Variants in MDFI observed in about 807,000 individuals in gnomAD.
The protein encoded by MDFI is inhibitor of MyoD family a.
A neutral mutation model predicts 22.3 loss-of-function variants in MDFI; 16 were observed. The ratio of observed to expected loss-of-function variants is 0.72; its 90% CI spans 0.49 to 1.09. The LOEUF (loss-of-function observed/expected upper bound fraction) is 1.09, where lower values mean the gene tolerates loss of function less well. Among genes scored for constraint, MDFI ranks in the 50% least tolerant of loss-of-function variants. MDFI has a pLI of 0.00. For synonymous variants in MDFI, 145 were observed against 142.7 expected (o/e 1.02, Z -0.12); for missense variants, 314 against 326.1 (o/e 0.96, Z 0.29).
In MDFI at chr6:41,638,923, C is replaced by G. The variant is rs1767739325; in HGVS notation, c.76+98C>G. On this transcript the variant is annotated intron_variant, in intron 2 of 4. Transcript: ENST00000230321. The surrounding 1 kb of genome is among the most constrained non-coding windows in gnomAD (Gnocchi z 7.6). ...CTCTCCGTCCCCAGACGCGGGGAGA[C>G]CGTTCCAGGGAGCTTGGTGGGGGTA... The G allele has an allele frequency of 7.6e-7, 1 of 1,324,410 alleles. No individual in the cohort carries two copies. The highest frequency in any genetic ancestry group is 1.0e-6 in the Non-Finnish European group (1 of 980,768). 82.0% of individuals were successfully genotyped at this position (1,324,410 alleles called of 1,614,324 possible). A position where few individuals can be genotyped will look rare whatever the true frequency, so the allele number is the denominator to read the frequency against.
chr6:41,639,728 C>T (rs1246215967), intron 2 of MDFI: 2 of 985,326 alleles, frequency 2.0e-6, no homozygotes, highest in East Asian at 2.3e-4. Flanking sequence ...TGCCTTCCTC[C>T]CCACCAGCGC....
At chr6:41,644,011 G>T (rs759733072) in intron 2 of MDFI, among the ~76,000 whole-genome samples, 1 of 152,082 alleles carries the variant, frequency 6.6e-6, no homozygotes, top group Non-Finnish European at 1.5e-5. Flanking sequence ...AGCTAGGCAG[G>T]CCCCTGGTTT....
chr6:41,647,955 A>G (rs1157902099), intron 3 of MDFI, among the ~76,000 whole-genome samples: 2 of 149,574 alleles, frequency 1.3e-5, no homozygotes, highest in East Asian at 4.0e-4. Flanking sequence ...GAGGCAGGAG[A>G]ATGGTGTGAA....
intron 2 of MDFI, 31 bp from the exon 3 acceptor site, chr6:41,646,095 A>G: frequency 7.0e-7 from 1 of 1,434,602 alleles, no homozygotes; most frequent in Non-Finnish European, 9.2e-7. Flanking sequence ...GCCCCAGGAA[A>G]ATGGACCTCA....
chr6:41,648,916 C>T (rs1343762027), intron 3 of MDFI, among the ~76,000 whole-genome samples: 2 of 152,188 alleles, frequency 1.3e-5, no homozygotes, highest in Non-Finnish European at 2.9e-5. Flanking sequence ...AATGGGGACC[C>T]GGGGGTCCTG....
Position 41,646,291 on chromosome 6 carries a change from C to A in MDFI, c.242C>A (p.Pro81His). ...QGLDSTDLDVPTEAVTCQPQG... is the reference protein window; with the variant it reads ...QGLDSTDLDVHTEAVTCQPQG... ...CTGGACAGCACTGACCTCGACGTCC[C>A]CACAGAAGCTGTGACATGTGAGTCC... is the stretch of plus-strand genomic sequence containing the variant. Residue 81 changes from proline to histidine, a missense_variant, in exon 3 of 5, where the codon CCC becomes CAC. Pro to His is a moderately conservative substitution (Grantham distance 77). Transcript: ENST00000230321. 6.9e-7 allele frequency: 1 copy of A among 1,448,070 alleles called. No homozygotes were observed. The allele number at this position is 1,448,070 out of a possible 1,614,324, so 89.7% of individuals were successfully genotyped here.
In MDFI at chr6:41,638,754, AC is replaced by A; in HGVS notation, c.7del (p.Gln3ArgfsTer2). ...TTTTCCGCAGGTCCGGGGCCGATGT[AC>A]CAGGTGAGCGGCCAGCGCCCCTCTG... M[Y>X]QVSGQRPSGC... On this transcript the variant is annotated frameshift_variant, in exon 2 of 5. Transcript: ENST00000230321. LOFTEE classifies it high-confidence loss of function. The surrounding 1 kb of genome is among the most constrained non-coding windows in gnomAD (Gnocchi z 7.6). 1 of 1,568,384 alleles carries A rather than the reference AC, an allele frequency of 6.4e-7. No individual in the cohort carries two copies. Among genetic ancestry groups the A allele is most frequent in the South Asian group, 1.2e-5 (1 of 85,768 alleles).
intron 3 of MDFI, among the ~76,000 whole-genome samples, chr6:41,649,032 G>A (rs1047086202): frequency 6.6e-6 from 1 of 152,220 alleles, no homozygotes; most frequent in Admixed American, 6.5e-5. Context: ...TGAGGGTGCG[G>A]AGGGCAGAGG....
intron 4 of MDFI, among the ~76,000 whole-genome samples, chr6:41,650,994 T>A (rs1443560319): frequency 1.3e-5 from 2 of 151,790 alleles, no homozygotes; most frequent in Non-Finnish European, 2.9e-5. Context: ...TCACCTGAGG[T>A]CAGGAGTTCA....
chr6:41,653,258 T>G lies in MDFI; in HGVS notation c.485-61T>G. On this transcript the variant is annotated intron_variant, in intron 4 of 4. Coordinates refer to ENST00000230321, the MANE Select transcript of MDFI (RefSeq NM_005586.4). This position sits in a 1 kb window ranked among gnomAD's most constrained non-coding sequence, Gnocchi z 4.2. Reference sequence around the variant, plus strand: ...CCGCAGGCCCCCACACCCCCGGCTATTTCACACACGCTCATCCCTCCCCTC... The same window carrying G: ...CCGCAGGCCCCCACACCCCCGGCTAGTTCACACACGCTCATCCCTCCCCTC... 6.4e-7 allele frequency: 1 copy of G among 1,566,422 alleles called. No individual in the cohort carries two copies. The highest frequency in any genetic ancestry group is 8.7e-7 in the Non-Finnish European group (1 of 1,150,764).
intron 2 of MDFI, among the ~76,000 whole-genome samples, chr6:41,642,088 C>T (rs985820013): frequency 1.3e-5 from 2 of 152,140 alleles, no homozygotes; most frequent in African/African-American, 4.8e-5. Flanking sequence ...TCCGTATCTC[C>T]CCTTTGTAGA....
rs910560705 is a variant in MDFI, at chr6:41,639,535, C to T, written c.76+710C>T. Reference sequence around the variant, plus strand: ...TCCCTGAAGGGGTTTGGAGTAGGGGCCTCGCCGGCCCTGGTTCTCAGTCCC... The same window carrying T: ...TCCCTGAAGGGGTTTGGAGTAGGGGTCTCGCCGGCCCTGGTTCTCAGTCCC... On this transcript the variant is annotated intron_variant, in intron 2 of 4. Transcript: ENST00000230321. 6.1e-6 allele frequency: 6 copies of T among 985,430 alleles called. No homozygotes were observed. The African/African-American group carries it at 1.0e-4, about 17-fold the overall frequency. The allele number at this position is 985,430 out of a possible 1,614,324, so 61.0% of individuals were successfully genotyped here. A position where few individuals can be genotyped will look rare whatever the true frequency, so the allele number is the denominator to read the frequency against.
chr6:41,648,889 C>G (rs761593437), intron 3 of MDFI, among the ~76,000 whole-genome samples: 16 of 152,234 alleles, frequency 1.1e-4, no homozygotes, highest in Non-Finnish European at 1.8e-4. Context: ...AAGCTGAAGT[C>G]TGGTCCCTCA....
At chr6:41,643,608 GGGAA>G (rs1419536972) in intron 2 of MDFI, among the ~76,000 whole-genome samples, 1 of 141,670 alleles carries the variant, frequency 7.1e-6, no homozygotes, top group South Asian at 2.3e-4. Flanking sequence ...GAGGGAAGGA[GGGAA>G]GGAAGGAAGG....
chr6:41,653,463 C>A lies in MDFI; in HGVS notation c.629C>A (p.Ala210Asp). 6.2e-7 allele frequency: 1 copy of A among 1,604,356 alleles called. No individual in the cohort carries two copies. The highest frequency in any genetic ancestry group is 8.5e-7 in the Non-Finnish European group (1 of 1,179,946). The change falls in exon 5 of 5, where the codon GCC (alanine) becomes GAC (aspartate). Residue 210 changes from alanine (A) to aspartate (D), a missense_variant. Physicochemically the swap from Ala to Asp is moderately radical, Grantham distance 126. Transcript: ENST00000230321. The surrounding 1 kb of genome is among the most constrained non-coding windows in gnomAD (Gnocchi z 4.2). The part of the protein sequence containing the change: ...CCCCCGSGEC[A>D]DCDLPCDLDC... The stretch of plus-strand genomic sequence containing the variant: ...TGCTGCTGTGGCTCTGGCGAGTGTG[C>A]CGACTGCGACCTGCCCTGCGACCTG...
Position 41,638,537 on chromosome 6 carries a change from C to T in MDFI, c.-127C>T, listed in dbSNP as rs1201375802. 3 of 543,332 alleles carry T rather than the reference C, an allele frequency of 5.5e-6. No homozygotes were observed. Among genetic ancestry groups the T allele is most frequent in the Non-Finnish European group, 6.4e-6 (2 of 312,484 alleles). 33.7% of individuals were successfully genotyped at this position (543,332 alleles called of 1,614,324 possible). A position where few individuals can be genotyped will look rare whatever the true frequency, so the allele number is the denominator to read the frequency against. ...AAGCAGCGAGTGAGAGGGGAAGGGG[C>T]GCCAGGCGAGCACCCGGGAGCCAGC... On this transcript the variant is annotated 5_prime_UTR_variant, in exon 1 of 5. Transcript: ENST00000230321. The surrounding 1 kb of genome is among the most constrained non-coding windows in gnomAD (Gnocchi z 7.6).
At chr6:41,638,383 G>A (rs1767709799), upstream of MDFI, 2 of 248,254 alleles carry the variant, frequency 8.1e-6, no homozygotes, top group Non-Finnish European at 7.8e-6. The surrounding 1 kb of genome is among the most constrained non-coding windows in gnomAD (Gnocchi z 7.6). Context: ...AAGGCGAGGA[G>A]GGGGCGGGGA....
chr6:41,653,206 C>T lies in MDFI; in HGVS notation c.485-113C>T. On this transcript the variant is annotated intron_variant, in intron 4 of 4. Transcript: ENST00000230321. This position sits in a 1 kb window ranked among gnomAD's most constrained non-coding sequence, Gnocchi z 4.2. ...TCGTGAGCTTCAGGCACACAGTGAA[C>T]ACTCAGCGTCCCTGCTGCTGCCGCT... The T allele has an allele frequency of 9.3e-7, 1 of 1,080,792 alleles. No homozygotes were observed. Among genetic ancestry groups the T allele is most frequent in the Non-Finnish European group, 1.4e-6 (1 of 728,000 alleles). 67.0% of individuals were successfully genotyped at this position (1,080,792 alleles called of 1,614,324 possible). A position where few individuals can be genotyped will look rare whatever the true frequency, so the allele number is the denominator to read the frequency against.
At chr6:41,645,645 C>T (rs186236828) in intron 2 of MDFI, among the ~76,000 whole-genome samples, 4 of 152,292 alleles carry the variant, frequency 2.6e-5, no homozygotes, top group African/African-American at 9.6e-5. Context: ...GTCTCACTCC[C>T]GTCTCAGGCT....
Sources: allele counts gnomAD v4.1 joint callset (sites outside exome capture counted in the v4.1 genomes callset), GRCh38; gene constraint gnomAD v4.1.1; non-coding constraint Gnocchi (gnomAD v3.1); transcripts MANE v1.5; gene names NCBI Gene and HGNC (gene_info 2026-07-23, HGNC 2026-07-21).